DNAH2: variants seen among roughly 807,000 people sequenced by gnomAD.
The protein encoded by DNAH2 is dynein axonemal heavy chain 2.
Under a neutral mutation model 523.5 loss-of-function variants are expected in DNAH2, and 323 were observed. The observed-to-expected ratio is 0.62, with a 90% CI of 0.56 to 0.68. DNAH2 has a LOEUF of 0.68. Among genes scored for constraint, DNAH2 ranks in the 30% least tolerant of loss-of-function variants. DNAH2 has a pLI of 0.00. For missense variants in DNAH2, 4,907 were observed against 5,701.5 expected (o/e 0.86, Z 4.49); for synonymous variants, 2,093 against 2,177.4 (o/e 0.96, Z 1.08).
At chr17:7,763,716 C>A in intron 18 of DNAH2, 115 bp from the exon 19 acceptor site, 2 of 1,268,616 alleles carry the variant, frequency 1.6e-6, no homozygotes, top group East Asian at 2.3e-5. Context: ...GAAGAACACT[C>A]TAGAACTGCT....
rs71387996 is a variant in DNAH2, at chr17:7,741,236, CTCTTTCTTTCTT to C, written c.1689+293_1689+304del. Among the ~76,000 whole-genome samples, 605 of 85,546 alleles carry C rather than the reference CTCTTTCTTTCTT, an allele frequency of 7.1e-3. 7 individuals are homozygous for C. Among genetic ancestry groups the C allele is most frequent in the East Asian group, 0.012 (36 of 3,078 alleles). The allele number at this position is 85,546 out of a possible 152,430, so 56.1% of individuals were successfully genotyped here. ...TCCTTCCTTTCTTTTTTTTCTCTCT[CTCTTTCTTTCTT>C]TCTTTCTTTCTTTCTTTCTTTCTTT... On this transcript the variant is annotated intron_variant, in intron 11 of 85. Coordinates refer to ENST00000572933, the MANE Select transcript of DNAH2 (RefSeq NM_020877.5).
chr17:7,818,809 C>A (rs377699048), intron 70 of DNAH2, 33 bp downstream of exon 70: 3 of 1,613,094 alleles, frequency 1.9e-6, no homozygotes, highest in South Asian at 1.1e-5. Flanking sequence ...CACTGCCCCA[C>A]GGGTCTACTC....
At chr17:7,726,943 C>T (rs1272865570) in intron 3 of DNAH2, among the ~76,000 whole-genome samples, 179 bp from the exon 4 acceptor site, 1 of 152,144 alleles carries the variant, frequency 6.6e-6, no homozygotes, top group Non-Finnish European at 1.5e-5. Context: ...CTCTTAGAGG[C>T]AAGAAATCTT....
At chr17:7,809,840 TAAA>T (rs796068621) in intron 63 of DNAH2, among the ~76,000 whole-genome samples, 2 of 137,056 alleles carry the variant, frequency 1.5e-5, no homozygotes, top group Admixed American at 7.4e-5. Context: ...AAATGCACCT[TAAA>T]AAAAAAAAAA....
At chr17:7,752,519 G>A (rs1014777807) in intron 12 of DNAH2, among the ~76,000 whole-genome samples, 1 of 152,058 alleles carries the variant, frequency 6.6e-6, no homozygotes, top group Non-Finnish European at 1.5e-5. Flanking sequence ...GACCATCCTG[G>A]CTAACATGGT....
chr17:7,821,868 A>G lies in DNAH2; in HGVS notation c.11142+499A>G, dbSNP rs190799465. On this transcript the variant is annotated intron_variant, in intron 73 of 85. Coordinates refer to ENST00000572933, the MANE Select transcript of DNAH2 (RefSeq NM_020877.5). This position sits in a 1 kb window ranked among gnomAD's most constrained non-coding sequence, Gnocchi z 5.0. Reference sequence around the variant, plus strand: ...TTTAAGTCCATGATCGTGAACCTCAAGGAGGCCCCTAAGGCTTCCAGACAA... The same window carrying G: ...TTTAAGTCCATGATCGTGAACCTCAGGGAGGCCCCTAAGGCTTCCAGACAA... 2.1e-3 allele frequency among the ~76,000 whole-genome samples: 324 copies of G among 152,224 alleles called. 2 individuals are homozygous for G. The highest frequency in any genetic ancestry group is 3.4e-3 in the Non-Finnish European group (234 of 68,006).
At chr17:7,812,282 T>C (rs2077537312) in intron 63 of DNAH2, among the ~76,000 whole-genome samples, 1 of 152,144 alleles carries the variant, frequency 6.6e-6, no homozygotes, top group South Asian at 2.1e-4. Flanking sequence ...GGGTTGATCG[T>C]GGTAAAATAC....
intron 58 of DNAH2, among the ~76,000 whole-genome samples, chr17:7,802,245 A>G (rs2077243814): frequency 6.6e-6 from 1 of 152,212 alleles, no homozygotes; most frequent in Non-Finnish European, 1.5e-5. Context: ...ATTTTCTGGC[A>G]TGAAGTTTCT....
intron 28 of DNAH2, among the ~76,000 whole-genome samples, chr17:7,772,149 ACAAT>A (rs1403921415): frequency 6.6e-6 from 1 of 152,152 alleles, no homozygotes; most frequent in Non-Finnish European, 1.5e-5. Flanking sequence ...ACTGGGGTAG[ACAAT>A]CAGGGAGTCA....
intron 46 of DNAH2, 54 bp downstream of exon 46, chr17:7,792,397 T>C: frequency 1.3e-6 from 2 of 1,578,132 alleles, no homozygotes; most frequent in South Asian, 1.1e-5. Context: ...AGGTGGGGGA[T>C]GTGGCAAGAG....
intron 63 of DNAH2, among the ~76,000 whole-genome samples, chr17:7,809,933 C>T (rs1461329141): frequency 9.2e-5 from 14 of 151,872 alleles, no homozygotes; most frequent in African/African-American, 1.2e-4. Context: ...GTCTTGAATT[C>T]CCATCTCAGT....
chr17:7,788,064 G>T (rs1319786869), intron 43 of DNAH2, 22 bp from the exon 44 acceptor site: 1 of 1,613,852 alleles, frequency 6.2e-7, no homozygotes, highest in East Asian at 2.2e-5. Flanking sequence ...TGAATGAAGA[G>T]CCCCTTCTTA....
In DNAH2 at chr17:7,767,910, C is replaced by T. The variant is rs746817186; in HGVS notation, c.3686C>T (p.Ala1229Val). The change falls in exon 23 of 86, where the codon GCC becomes GTC. Residue 1229 changes from alanine to valine, a missense_variant. By Grantham distance (64) the Ala-to-Val change is moderately conservative. This residue lies in a region of DNAH2 where 2,806 missense variants were observed against 3,190.8 expected (regional missense o/e 0.88). Transcript: ENST00000572933. ...DLQNLEKELDALQQIWEIARD... is the reference protein window; with the variant it reads ...DLQNLEKELDVLQQIWEIARD... The stretch of plus-strand genomic sequence containing the variant: ...CTTTCTGCCCTGTAGGAGCTCGATG[C>T]CCTCCAGCAAATCTGGGAGATCGCA... The T allele has an allele frequency of 3.0e-5, 49 of 1,614,012 alleles. No individual in the cohort carries two copies. Among genetic ancestry groups the T allele is most frequent in the Non-Finnish European group, 4.0e-5 (47 of 1,180,052 alleles).
intron 49 of DNAH2, among the ~76,000 whole-genome samples, chr17:7,796,045 ATTT>A (rs377411281): frequency 0.015 from 1,578 of 107,658 alleles, 15 homozygotes; most frequent in Middle Eastern, 0.04. Flanking sequence ...TGAGTTTAGG[ATTT>A]TTTTTTTTTT....
rs146675834 is a variant in DNAH2, at chr17:7,724,463, A to G, written c.228+774A>G. 3.0e-3 allele frequency among the ~76,000 whole-genome samples: 464 copies of G among 152,146 alleles called. 3 individuals are homozygous for G. Among genetic ancestry groups the G allele is most frequent in the African/African-American group, 0.011 (439 of 41,528 alleles). The stretch of plus-strand genomic sequence containing the variant: ...GTGAAACCCCATCTTTACTAAAAAT[A>G]CAAAAATTAGCAGGGTGTGGTGGCG... On this transcript the variant is annotated intron_variant, in intron 3 of 85. Transcript: ENST00000572933.
intron 50 of DNAH2, 100 bp downstream of exon 50, chr17:7,796,752 A>C: frequency 7.5e-7 from 1 of 1,334,494 alleles, no homozygotes; most frequent in Non-Finnish European, 1.0e-6. Flanking sequence ...ATGCGCACCA[A>C]AAGTCACCCC....
rs1017959666 is a variant in DNAH2 at position 7,832,151 on chromosome 17, C to T, written c.12726+376C>T. Among the ~76,000 whole-genome samples the T allele has an allele frequency of 1.3e-5, 2 of 152,102 alleles. No individual in the cohort carries two copies. The highest frequency in any genetic ancestry group is 2.9e-5 in the Non-Finnish European group (2 of 68,024). ...AGTTGGCTTTGGAGAGCTTTGTTCACCTGTAGTTGGGGAACAGGGGCTGCC... is the reference window on the plus strand; with the variant it reads ...AGTTGGCTTTGGAGAGCTTTGTTCATCTGTAGTTGGGGAACAGGGGCTGCC... On this transcript the variant is annotated intron_variant, in intron 82 of 85. Coordinates refer to ENST00000572933, the MANE Select transcript of DNAH2 (RefSeq NM_020877.5). This position sits in a 1 kb window ranked among gnomAD's most constrained non-coding sequence, Gnocchi z 4.3.
intron 12 of DNAH2, among the ~76,000 whole-genome samples, chr17:7,752,571 G>A (rs1967127): frequency 4.7e-4 from 72 of 152,168 alleles, no homozygotes; most frequent in African/African-American, 1.5e-3. Flanking sequence ...TTAGCGGGGC[G>A]TGGTGGCGGG....
At chr17:7,795,456 C>G (rs1406240977) in intron 49 of DNAH2, among the ~76,000 whole-genome samples, 3 of 151,558 alleles carry the variant, frequency 2.0e-5, no homozygotes, top group Non-Finnish European at 4.4e-5. Context: ...GTGGATCACT[C>G]GAGCCCAGGA....
Sources: allele counts gnomAD v4.1 joint callset (sites outside exome capture counted in the v4.1 genomes callset), GRCh38; gene constraint gnomAD v4.1.1; regional missense constraint gnomAD v4.1.1; non-coding constraint Gnocchi (gnomAD v3.1); transcripts MANE v1.5; gene names NCBI Gene and HGNC (gene_info 2026-07-23, HGNC 2026-07-21).